PCDHA9: variants seen among roughly 807,000 people sequenced by gnomAD.
The protein encoded by PCDHA9 is protocadherin alpha 9.
In PCDHA9, 62 loss-of-function variants were observed where a neutral mutation model predicts 62.0. That is an observed-to-expected ratio of 1.00 (90% CI 0.81 to 1.23). The LOEUF (loss-of-function observed/expected upper bound fraction) is 1.23. Among genes scored for constraint, PCDHA9 ranks in the 50% most tolerant of loss-of-function variants. PCDHA9 has a pLI of 0.00. For synonymous variants in PCDHA9, 557 were observed against 567.6 expected (o/e 0.98, Z 0.27); for missense variants, 1,205 against 1,249.8 (o/e 0.96, Z 0.54).
At chr5:140,995,924 G>A (rs998405229) in intron 3 of PCDHA9, among the ~76,000 whole-genome samples, 16 of 152,308 alleles carry the variant, frequency 1.1e-4, no homozygotes, top group African/African-American at 3.8e-4. Flanking sequence ...ATAGGCTGTT[G>A]TAAGTATTAA....
intron 1 of PCDHA9, chr5:140,853,424 G>A (rs112620213): frequency 1.0e-6 from 1 of 985,928 alleles, no homozygotes; most frequent in African/African-American, 1.8e-5. Context: ...AAGCAGAAGA[G>A]ACACTTTCCT....
chr5:140,857,730 C>A (rs782671299), intron 1 of PCDHA9: 1 of 1,597,474 alleles, frequency 6.3e-7, no homozygotes, highest in Admixed American at 1.7e-5. Context: ...AACGACAACG[C>A]TCCCGCGCTG....
intron 1 of PCDHA9, chr5:140,966,708 C>T (rs1033433543): frequency 1.7e-5 from 23 of 1,384,632 alleles, no homozygotes; most frequent in African/African-American, 6.1e-5. Context: ...GCGTGGGGCA[C>T]GGCTGGGGAA....
chr5:140,996,453 C>A (rs1289648745), intron 3 of PCDHA9, among the ~76,000 whole-genome samples: 2 of 152,160 alleles, frequency 1.3e-5, no homozygotes, highest in African/African-American at 4.8e-5. Flanking sequence ...AGTTGTGGTG[C>A]TAAGGGAGGA....
intron 3 of PCDHA9, among the ~76,000 whole-genome samples, chr5:140,983,854 T>C (rs1554245766): frequency 6.6e-6 from 1 of 152,206 alleles, no homozygotes; most frequent in Admixed American, 6.5e-5. Flanking sequence ...TTAAGTAACA[T>C]GCAGCTAAGG....
At position 140,946,631 on chromosome 5, in the gene PCDHA9, T is replaced by TATATATATATATATATACAC. The variant is rs57893927; in HGVS notation, c.2395-32317_2395-32316insTATATATATATATATACACA. 2.9e-4 allele frequency among the ~76,000 whole-genome samples: 38 copies of TATATATATATATATATACAC among 131,846 alleles called. No individual in the cohort carries two copies. The East Asian group carries it at 4.9e-3, about 17-fold the overall frequency. The allele number at this position is 131,846 out of a possible 152,430, so 86.5% of individuals were successfully genotyped here. A position where few individuals can be genotyped will look rare whatever the true frequency, so the allele number is the denominator to read the frequency against. On this transcript the variant is annotated intron_variant, in intron 1 of 3. Transcript: ENST00000532602. ...TGTGAAATATATATATATATATATATACAATGGAATACTCATCAGCCATTA... is the reference window on the plus strand; with the variant it reads ...TGTGAAATATATATATATATATATATATATATATATATATATACACACAATGGAATACTCATCAGCCATTA...
chr5:140,916,188 G>A (rs1288181230), intron 1 of PCDHA9, among the ~76,000 whole-genome samples: 2 of 152,208 alleles, frequency 1.3e-5, no homozygotes, highest in East Asian at 3.9e-4. Context: ...TCAAGGAAGT[G>A]GGCACCCCTC....
chr5:141,009,501 C>T (rs2098410009), intron 3 of PCDHA9, 126 bp from the exon 4 acceptor site: 4 of 1,492,480 alleles, frequency 2.7e-6, no homozygotes, highest in Non-Finnish European at 3.6e-6. Context: ...CAGACTTGAA[C>T]AAACAACTCG....
chr5:140,951,544 G>T (rs543008494), intron 1 of PCDHA9, among the ~76,000 whole-genome samples: 1 of 151,878 alleles, frequency 6.6e-6, no homozygotes, highest in Non-Finnish European at 1.5e-5. Flanking sequence ...AGCAAGGGAC[G>T]GGGGGAAGTG....
At chr5:140,996,596 C>T (rs1343501273) in intron 3 of PCDHA9, among the ~76,000 whole-genome samples, 1 of 152,156 alleles carries the variant, frequency 6.6e-6, no homozygotes, top group Non-Finnish European at 1.5e-5. Flanking sequence ...CCGCCTCCCC[C>T]CATTTTCATT....
At chr5:140,870,962 C>T (rs1489353896) in intron 1 of PCDHA9, 3 of 1,613,532 alleles carry the variant, frequency 1.9e-6, no homozygotes, top group Admixed American at 1.7e-5. Context: ...TCGCGCATCC[C>T]GTTCCGCGTG....
chr5:141,011,247 G>A lies in PCDHA9; in HGVS notation c.*1310G>A, dbSNP rs1554263390. On this transcript the variant is annotated 3_prime_UTR_variant, in exon 4 of 4. Transcript: ENST00000532602. The stretch of plus-strand genomic sequence containing the variant: ...TCTACTAATTCTGTGACTTGTCTTG[G>A]TGTGCTAGCCTACACCTTCTCTTTG... The A allele has an allele frequency of 2.0e-5, 3 of 153,772 alleles. No individual in the cohort carries two copies. The highest frequency in any genetic ancestry group is 7.2e-5 in the African/African-American group (3 of 41,538). The allele number at this position is 153,772 out of a possible 1,614,324, so 9.5% of individuals were successfully genotyped here.
intron 1 of PCDHA9, among the ~76,000 whole-genome samples, chr5:140,907,616 G>A (rs2073492016): frequency 6.6e-6 from 1 of 152,216 alleles, no homozygotes; most frequent in Non-Finnish European, 1.5e-5. Flanking sequence ...CATATCAAGG[G>A]CTCAGTGTTG....
chr5:140,926,928 G>T, intron 1 of PCDHA9: 1 of 1,574,878 alleles, frequency 6.3e-7, no homozygotes, highest in Non-Finnish European at 8.6e-7. Flanking sequence ...TATGTTTGTG[G>T]GTTTCCTGCG....
intron 3 of PCDHA9, among the ~76,000 whole-genome samples, chr5:140,987,599 C>T (rs1475170913): frequency 1.3e-5 from 2 of 152,086 alleles, no homozygotes; most frequent in Non-Finnish European, 2.9e-5. Context: ...GTGGTGTCTA[C>T]CTTATAGGGT....
chr5:140,969,149 G>C (rs782510891), intron 1 of PCDHA9: 3 of 1,614,120 alleles, frequency 1.9e-6, no homozygotes, highest in South Asian at 1.1e-5. Context: ...CTGCTACAAG[G>C]CCTGTCTGAC....
intron 1 of PCDHA9, 63 bp downstream of exon 1, chr5:140,850,952 A>G (rs890565160): frequency 1.3e-6 from 2 of 1,495,360 alleles, no homozygotes; most frequent in South Asian, 1.3e-5. Context: ...ATTATCGATT[A>G]CTCCCAGGGG....
intron 1 of PCDHA9, chr5:140,870,319 T>G (rs782623881): frequency 3.7e-6 from 6 of 1,614,162 alleles, no homozygotes; most frequent in Non-Finnish European, 5.1e-6. Flanking sequence ...TTACTACTCG[T>G]TGGTGCTGGA....
chr5:140,888,789 G>A (rs536846098), intron 1 of PCDHA9, among the ~76,000 whole-genome samples: 1 of 152,066 alleles, frequency 6.6e-6, no homozygotes, highest in Admixed American at 6.5e-5. Flanking sequence ...AGCCTGATCT[G>A]GGGAGGTTGA....
Sources: allele counts gnomAD v4.1 joint callset (sites outside exome capture counted in the v4.1 genomes callset), GRCh38; gene constraint gnomAD v4.1.1; transcripts MANE v1.5; gene names NCBI Gene and HGNC (gene_info 2026-07-23, HGNC 2026-07-21).